Variants in ANKUB1 observed in about 807,000 individuals in gnomAD.
ANKUB1 encodes ankyrin repeat and ubiquitin domain containing 1, also known as protein ANKUB1.
A neutral mutation model predicts 49.3 loss-of-function variants in ANKUB1; 42 were observed. The ratio of observed to expected loss-of-function variants is 0.85; its 90% CI spans 0.67 to 1.10. The LOEUF (loss-of-function observed/expected upper bound fraction) is 1.10. Ranked by LOEUF, ANKUB1 falls within the 50% of genes least tolerant of loss-of-function variation. The pLI is 0.00. For synonymous variants in ANKUB1, 222 were observed against 231.0 expected (o/e 0.96, Z 0.35); for missense variants, 613 against 642.0 (o/e 0.95, Z 0.49).
At chr3:149,777,161 A>T (rs1458905750) in intron 3 of ANKUB1, among the ~76,000 whole-genome samples, 2 of 151,898 alleles carry the variant, frequency 1.3e-5, no homozygotes, top group Non-Finnish European at 2.9e-5. Flanking sequence ...TTGCTACCAG[A>T]TTAAACCTCT....
intron 5 of ANKUB1, among the ~76,000 whole-genome samples, chr3:149,764,827 T>A (rs1716943984): frequency 6.6e-6 from 1 of 151,466 alleles, no homozygotes; most frequent in African/African-American, 2.4e-5. Context: ...AAATTGCCAC[T>A]CATTAATAAT....
chr3:149,779,103 A>G (rs971710488), intron 3 of ANKUB1: 3 of 152,178 alleles, frequency 2.0e-5, no homozygotes, highest in African/African-American at 7.2e-5. Context: ...TAGTATGCTT[A>G]AAACAAATCT....
chr3:149,767,936 G>T lies in ANKUB1; in HGVS notation c.726C>A (p.Cys242Ter), dbSNP rs1030855766. 1.9e-6 allele frequency: 3 copies of T among 1,548,828 alleles called. No homozygotes were observed. Among genetic ancestry groups the T allele is most frequent in the Admixed American group, 3.9e-5 (2 of 50,944 alleles). The stretch of plus-strand genomic sequence containing the variant: ...CTGCTTCTGCGGCTGCATGAATGGG[G>T]CATTTAGAGACATCTGCATGAAGGG... ...HEALHADVSK[C>*]PIHAAAEAGQ... The change falls in exon 5 of 6, where the codon TGC becomes TGA. Residue 242 changes from cysteine (C) to a stop codon, truncating the protein, a stop_gained. Transcript: ENST00000446160. LOFTEE classifies it high-confidence loss of function.
chr3:149,789,696 C>G (rs1402782368), intron 2 of ANKUB1, among the ~76,000 whole-genome samples: 2 of 149,790 alleles, frequency 1.3e-5, no homozygotes, highest in South Asian at 4.2e-4. Flanking sequence ...GTGGCTCGAG[C>G]TCAGCTCACT....
In ANKUB1 at chr3:149,780,193, A is replaced by G. The variant is rs138748319; in HGVS notation, c.451+46T>C. 1,285 of 1,490,534 alleles carry G rather than the reference A, an allele frequency of 8.6e-4. 7 individuals are homozygous for G. The African/African-American group carries it at 0.016, about 18-fold the overall frequency. 92.3% of individuals were successfully genotyped at this position (1,490,534 alleles called of 1,614,324 possible). ...AAGCTGCAAAATCTGGTATCAAAGG[A>G]CCCTAGTGCCAAATGGTAGCTGATA... On this transcript the variant is annotated intron_variant, in intron 3 of 5. Transcript: ENST00000446160.
chr3:149,762,089 A>C (rs1716806469), intron 5 of ANKUB1, among the ~76,000 whole-genome samples: 1 of 152,204 alleles, frequency 6.6e-6, no homozygotes. Context: ...AAGACTTGCA[A>C]ATTTGAATAC....
intron 2 of ANKUB1, among the ~76,000 whole-genome samples, chr3:149,781,515 C>T (rs1401699365): frequency 6.6e-6 from 1 of 152,182 alleles, no homozygotes; most frequent in Non-Finnish European, 1.5e-5. Flanking sequence ...GAATGCGGGA[C>T]TCTCTCAGAA....
chr3:149,786,202 A>AT (rs1718092063), intron 2 of ANKUB1, among the ~76,000 whole-genome samples: 1 of 152,006 alleles, frequency 6.6e-6, no homozygotes, highest in Non-Finnish European at 1.5e-5. Flanking sequence ...CGCCCGGCTA[A>AT]TTTTTTGTAC....
intron 3 of ANKUB1, chr3:149,778,859 A>G (rs1717722958): frequency 6.6e-6 from 1 of 152,234 alleles, no homozygotes; most frequent in Admixed American, 6.5e-5. Context: ...AAAACTACTT[A>G]ACTAAGGATA....
At chr3:149,776,976 C>CA (rs11322234) in intron 3 of ANKUB1, among the ~76,000 whole-genome samples, 140 of 147,012 alleles carry the variant, frequency 9.5e-4, no homozygotes, top group East Asian at 2.0e-3. Context: ...GACCCTGTCT[C>CA]AAAAAAAAAA....
intron 5 of ANKUB1, among the ~76,000 whole-genome samples, chr3:149,761,937 C>T (rs1227260880): frequency 1.3e-5 from 2 of 152,146 alleles, no homozygotes; most frequent in African/African-American, 2.4e-5. Context: ...TCCCTGGCCT[C>T]CTCTTTTCTC....
chr3:149,766,817 AAGCAGCAGC>A (rs11268295), intron 5 of ANKUB1: 20,348 of 900,198 alleles, frequency 0.023, 1,733 homozygotes, highest in African/African-American at 0.035. Flanking sequence ...GAAAAAAGAA[AAGCAGCAGC>A]AGCAGCAGCA....
At chr3:149,766,489 A>G (rs1419367917) in intron 5 of ANKUB1, 2 of 197,326 alleles carry the variant, frequency 1.0e-5, no homozygotes, top group South Asian at 2.7e-4. Context: ...AAAGAAGTGG[A>G]AGAGGAGGAA....
chr3:149,764,109 A>C (rs993957078), intron 5 of ANKUB1: 3 of 445,970 alleles, frequency 6.7e-6, no homozygotes, highest in South Asian at 3.2e-5. Context: ...GTGATGGTGC[A>C]TGTAGCCATC....
rs1352259308 is a variant in ANKUB1 at position 149,792,401 on chromosome 3, CT to C, written c.-36del. 7 of 1,441,454 alleles carry C rather than the reference CT, an allele frequency of 4.9e-6. No individual in the cohort carries two copies. Among genetic ancestry groups the C allele is most frequent in the Non-Finnish European group, 5.5e-6 (6 of 1,083,330 alleles). The allele number at this position is 1,441,454 out of a possible 1,614,324, so 89.3% of individuals were successfully genotyped here. A position where few individuals can be genotyped will look rare whatever the true frequency, so the allele number is the denominator to read the frequency against. On this transcript the variant is annotated 5_prime_UTR_variant, in exon 1 of 6. Coordinates refer to ENST00000446160, the MANE Select transcript of ANKUB1 (RefSeq NM_001144960.3). ...ACCTTTTCAAACAAAAAATATCCAA[CT>C]TTTTCAAAGATTCTCCTGGATGGCT...
chr3:149,778,831 T>G (rs1399318346), intron 3 of ANKUB1: 1 of 152,154 alleles, frequency 6.6e-6, no homozygotes, highest in Non-Finnish European at 1.5e-5. Flanking sequence ...AAATGCAAAT[T>G]TAGCAGTTAT....
At chr3:149,785,753 G>T (rs1289493893) in intron 2 of ANKUB1, among the ~76,000 whole-genome samples, 1 of 152,132 alleles carries the variant, frequency 6.6e-6, no homozygotes, top group East Asian at 1.9e-4. Context: ...CAGCATGATT[G>T]ATAATCCTTT....
At chr3:149,777,333 G>A (rs1717642906) in intron 3 of ANKUB1, among the ~76,000 whole-genome samples, 1 of 151,866 alleles carries the variant, frequency 6.6e-6, no homozygotes, top group Admixed American at 6.6e-5. Context: ...TTAGCTGGGA[G>A]TGGTGGCGCG....
intron 3 of ANKUB1, among the ~76,000 whole-genome samples, chr3:149,777,476 A>AAACAAC (rs34938958): frequency 0.26 from 38,687 of 150,832 alleles, 6,281 homozygotes; most frequent in Non-Finnish European, 0.36. Flanking sequence ...ACTCAAAAAC[A>AAACAAC]AACAACAACA....
Sources: gnomAD v4.1 joint callset for allele counts (sites outside exome capture counted in the v4.1 genomes callset) on GRCh38, gnomAD v4.1.1 for gene constraint, MANE v1.5 for transcripts, NCBI Gene and HGNC (gene_info 2026-07-23, HGNC 2026-07-21) for gene names.